The following ARMC8 variants were observed in gnomAD, a reference collection of about 807,000 sequenced individuals.
ARMC8 encodes the protein armadillo repeat-containing protein 8.
Under a neutral mutation model 99.3 loss-of-function variants are expected in ARMC8, and 20 were observed. The observed-to-expected ratio is 0.20, with a 90% CI of 0.14 to 0.29. ARMC8 has a LOEUF of 0.29. Ranked by LOEUF, ARMC8 falls within the 10% of genes least tolerant of loss-of-function variation. The pLI, the probability that ARMC8 is intolerant of heterozygous loss-of-function variation, is 1.00. For synonymous variants in ARMC8, 263 were observed against 278.3 expected (o/e 0.95, Z 0.55); for missense variants, 569 against 809.5 (o/e 0.70, Z 3.60).
intron 2 of ARMC8, among the ~76,000 whole-genome samples, chr3:138,218,796 T>G (rs1041748418): frequency 1.3e-5 from 2 of 152,212 alleles, no homozygotes; most frequent in Admixed American, 1.3e-4. Flanking sequence ...AGTTGTTGAA[T>G]TTCAGTAAAA....
At chr3:138,283,156 A>G (rs2050103212) in intron 18 of ARMC8, among the ~76,000 whole-genome samples, 1 of 152,170 alleles carries the variant, frequency 6.6e-6, no homozygotes, top group Admixed American at 6.5e-5. Context: ...CTGGTTTCAC[A>G]CCTCAGGACT....
At chr3:138,237,150 G>T in intron 7 of ARMC8, 159 bp from the exon 8 acceptor site, 3 of 610,940 alleles carry the variant, frequency 4.9e-6, no homozygotes, top group East Asian at 2.9e-5. Context: ...TTAACTTACT[G>T]TACTCTGCAG....
chr3:138,214,154 T>C (rs1576633876), intron 2 of ARMC8, among the ~76,000 whole-genome samples: 1 of 149,644 alleles, frequency 6.7e-6, no homozygotes, highest in East Asian at 1.9e-4. Context: ...TTGTTTTGTT[T>C]TGTTTAAAAA....
intron 1 of ARMC8, among the ~76,000 whole-genome samples, chr3:138,194,020 A>G (rs1400182515): frequency 6.6e-6 from 1 of 150,670 alleles, no homozygotes; most frequent in East Asian, 1.9e-4. Context: ...TGTCTTCTTT[A>G]CAGTCCTTTC....
rs1452445105 is a variant in ARMC8 at position 138,290,617 on chromosome 3, C to T, written c.1966C>T (p.Pro656Ser). 6.2e-7 allele frequency: 1 copy of T among 1,604,350 alleles called. No homozygotes were observed. Among genetic ancestry groups the T allele is most frequent in the Non-Finnish European group, 8.5e-7 (1 of 1,175,488 alleles). Residue 656 changes from proline to serine, a missense_variant, in exon 21 of 22, where the codon CCA becomes TCA. Physicochemically the swap from Pro to Ser is moderately conservative, Grantham distance 74 (BLOSUM62 -1). Transcript: ENST00000469044. The stretch of plus-strand genomic sequence containing the variant: ...TATTCTACACAAACTGAGTCAGTCA[C>T]CAGATTCAAACCTTTGTGACAAGTG... ...VDILHKLSQS[P>S]DSNLCDKAKM...
chr3:138,191,314 A>G (rs1031961880), intron 1 of ARMC8, among the ~76,000 whole-genome samples: 7 of 152,194 alleles, frequency 4.6e-5, no homozygotes, highest in African/African-American at 1.7e-4. Flanking sequence ...CAACAAATTC[A>G]TAAATTTCTG....
At position 138,235,082 on chromosome 3, in the gene ARMC8, A is replaced by G. The variant is rs2046259814; in HGVS notation, c.577A>G (p.Ile193Val). 3 of 1,613,918 alleles carry G rather than the reference A, an allele frequency of 1.9e-6. No homozygotes were observed. Among genetic ancestry groups the G allele is most frequent in the African/African-American group, 2.7e-5 (2 of 75,014 alleles). ...ATTTAACCACGGTGCAGTTCAGAAT[A>G]TTGCTCACCTACTAACCTCACTGTC... Reference protein sequence around the residue: ...ILFNHGAVQNIAHLLTSLSYK... With the variant: ...ILFNHGAVQNVAHLLTSLSYK... Residue 193 changes from isoleucine (I) to valine (V), a missense_variant, in exon 7 of 22, where the codon ATT (isoleucine) becomes GTT (valine). By Grantham distance (29) the Ile-to-Val change is conservative. This residue lies in a region of ARMC8 where 342 missense variants were observed against 391.6 expected (regional missense o/e 0.87). Coordinates refer to ENST00000469044, the MANE Select transcript of ARMC8 (RefSeq NM_001363941.2).
Position 138,228,899 on chromosome 3 carries a change from C to T in ARMC8, c.436-19C>T. 1 of 1,539,258 alleles carries T rather than the reference C, an allele frequency of 6.5e-7. No individual in the cohort carries two copies. The highest frequency in any genetic ancestry group is 9.0e-7 in the Non-Finnish European group (1 of 1,116,208). Reference sequence around the variant, plus strand: ...CTCATGGTGCCTGAGTTTCTTGTTGCTGTGTTCTCCTTCCCTAGGATGCCA... The same window carrying T: ...CTCATGGTGCCTGAGTTTCTTGTTGTTGTGTTCTCCTTCCCTAGGATGCCA... On this transcript the variant is annotated intron_variant, in intron 5 of 21. Coordinates refer to ENST00000469044, the MANE Select transcript of ARMC8 (RefSeq NM_001363941.2).
At chr3:138,287,937 C>T (rs935978404) in intron 19 of ARMC8, 2 of 214,306 alleles carry the variant, frequency 9.3e-6, no homozygotes, top group Non-Finnish European at 1.9e-5. Flanking sequence ...CAGGCGAAAA[C>T]ACCCTATCCA....
chr3:138,275,667 G>A (rs929480608), intron 18 of ARMC8, among the ~76,000 whole-genome samples: 2 of 152,158 alleles, frequency 1.3e-5, no homozygotes, highest in African/African-American at 4.8e-5. Context: ...AACTTCAGGG[G>A]CTGTGCTTCT....
At chr3:138,213,231 C>T (rs1175715967) in intron 2 of ARMC8, among the ~76,000 whole-genome samples, 2 of 152,224 alleles carry the variant, frequency 1.3e-5, no homozygotes, top group South Asian at 2.1e-4. Flanking sequence ...TATAGATCTA[C>T]CCATAAATAT....
intron 1 of ARMC8, among the ~76,000 whole-genome samples, chr3:138,198,754 C>A (rs1160295077): frequency 6.6e-6 from 1 of 151,932 alleles, no homozygotes; most frequent in African/African-American, 2.4e-5. Flanking sequence ...CCTTGTGATT[C>A]CCCTGCTTCG....
intron 2 of ARMC8, 43 bp downstream of exon 2, chr3:138,209,936 T>A: frequency 3.4e-6 from 5 of 1,482,738 alleles, no homozygotes; most frequent in Non-Finnish European, 4.7e-6. Flanking sequence ...AGTTGTTTGT[T>A]TTCATGTTTT....
chr3:138,256,402 C>CTTTTTTTTTTTTTTTTTTT (rs71146121), intron 12 of ARMC8, among the ~76,000 whole-genome samples: 1 of 90,302 alleles, frequency 1.1e-5, no homozygotes, highest in African/African-American at 4.5e-5. Flanking sequence ...TTTCCTCCTT[C>CTTTTTTTTTTTTTTTTTTT]TTTTTTTTTT....
chr3:138,224,817 C>T (rs1228069694), intron 5 of ARMC8, among the ~76,000 whole-genome samples: 1 of 152,096 alleles, frequency 6.6e-6, no homozygotes, highest in African/African-American at 2.4e-5. Context: ...TTCTTATTTC[C>T]AAATATCAGA....
chr3:138,187,614 G>C lies in ARMC8; in HGVS notation c.45+15G>C. The C allele has an allele frequency of 1.3e-6, 2 of 1,535,458 alleles. No homozygotes were observed. The highest frequency in any genetic ancestry group is 1.7e-6 in the Non-Finnish European group (2 of 1,146,400). On this transcript the variant is annotated intron_variant, in intron 1 of 21. Transcript: ENST00000469044. ...GCGTCCTTTCGGTGAGTGACCCGCCGCGGCCGCCCGCCCGCCCTCCAGGAA... is the reference window on the plus strand; with the variant it reads ...GCGTCCTTTCGGTGAGTGACCCGCCCCGGCCGCCCGCCCGCCCTCCAGGAA...
chr3:138,217,414 T>C (rs1350214532), intron 2 of ARMC8, among the ~76,000 whole-genome samples: 7 of 152,010 alleles, frequency 4.6e-5, no homozygotes, highest in Non-Finnish European at 8.8e-5. Flanking sequence ...TTTTTTTTTT[T>C]TTCTTTTTTC....
chr3:138,242,610 A>C (rs2046680809), intron 11 of ARMC8, among the ~76,000 whole-genome samples: 1 of 152,198 alleles, frequency 6.6e-6, no homozygotes, highest in Non-Finnish European at 1.5e-5. Flanking sequence ...TAAGCATAGG[A>C]GATGAACATT....
chr3:138,258,275 C>G (rs1576794778), intron 12 of ARMC8, among the ~76,000 whole-genome samples: 1 of 152,146 alleles, frequency 6.6e-6, no homozygotes, highest in East Asian at 1.9e-4. Context: ...ACAGTTGAAG[C>G]TAAAGTCCAA....
Sources: gnomAD v4.1 joint callset for allele counts (sites outside exome capture counted in the v4.1 genomes callset) on GRCh38, gnomAD v4.1.1 for gene constraint, gnomAD v4.1.1 regional missense constraint, MANE v1.5 for transcripts, NCBI Gene and HGNC (gene_info 2026-07-23, HGNC 2026-07-21) for gene names.